KIAA1755: variants seen among roughly 807,000 people sequenced by gnomAD.
KIAA1755 encodes uncharacterized protein KIAA1755.
In KIAA1755, 68 loss-of-function variants were observed where a neutral mutation model predicts 91.7. The observed-to-expected ratio is 0.74, with a 90% CI of 0.61 to 0.91. The LOEUF (loss-of-function observed/expected upper bound fraction) is 0.91, where lower values mean the gene tolerates loss of function less well. Ranked by LOEUF, KIAA1755 falls within the 40% of genes least tolerant of loss-of-function variation. The probability of loss-of-function intolerance (pLI) is 0.00; values close to 1 mark genes in which losing one functional copy is unlikely to be tolerated. For missense variants in KIAA1755, 1,535 were observed against 1,494.4 expected (o/e 1.03, Z -0.45); for synonymous variants, 610 against 604.6 (o/e 1.01, Z -0.13).
At chr20:38,231,022 C>G (rs949438571) in intron 5 of KIAA1755, among the ~76,000 whole-genome samples, 180 bp downstream of exon 5, 4 of 152,192 alleles carry the variant, frequency 2.6e-5, no homozygotes, top group Middle Eastern at 3.2e-3. Flanking sequence ...GCCTGACAAC[C>G]CCCCGATGGC....
chr20:38,260,530 G>A lies in KIAA1755; in HGVS notation c.-30C>T, dbSNP rs761513743. On this transcript the variant is annotated 5_prime_UTR_variant, in exon 1 of 14. Coordinates refer to ENST00000279024, the MANE Select transcript of KIAA1755 (RefSeq NM_001029864.2). Reference sequence around the variant, plus strand: ...ACGGGCTGCCAGCGGCGGGCGGCGCGGCTCCTCTCCTGGGCGCGGGGTCTG... The same window carrying A: ...ACGGGCTGCCAGCGGCGGGCGGCGCAGCTCCTCTCCTGGGCGCGGGGTCTG... 2.0e-6 allele frequency: 3 copies of A among 1,482,376 alleles called. No homozygotes were observed. Among genetic ancestry groups the A allele is most frequent in the Non-Finnish European group, 2.7e-6 (3 of 1,119,524 alleles). 91.8% of individuals were successfully genotyped at this position (1,482,376 alleles called of 1,614,324 possible).
chr20:38,218,391 A>T (rs375205677), intron 11 of KIAA1755, 25 bp from the exon 12 acceptor site: 2 of 1,613,114 alleles, frequency 1.2e-6, no homozygotes, highest in Non-Finnish European at 1.7e-6. Flanking sequence ...GCAGATTTGG[A>T]CATGAGGGGC....
intron 1 of KIAA1755, among the ~76,000 whole-genome samples, chr20:38,257,073 CTT>C (rs1376963575): frequency 6.6e-6 from 1 of 152,142 alleles, no homozygotes; most frequent in African/African-American, 2.4e-5. Context: ...CTTCTCTTCT[CTT>C]TGCTTTTCAG....
rs1010601201 is a variant in KIAA1755, at chr20:38,258,487, A to G, written c.3+2011T>C. Among the ~76,000 whole-genome samples, 4 of 152,216 alleles carry G rather than the reference A, an allele frequency of 2.6e-5. No homozygotes were observed. The East Asian group carries it at 7.7e-4, about 29-fold the overall frequency. ...ATGGGGGTGCCCCCAAACACTAGAC[A>G]GCTGTTAATCAAATGCCCCACAAAA... On this transcript the variant is annotated intron_variant, in intron 1 of 13. Transcript: ENST00000279024.
chr20:38,246,250 C>CCACCCCCCTCACTCAT lies in KIAA1755; in HGVS notation c.4-140_4-125dup, dbSNP rs1398246507. On this transcript the variant is annotated intron_variant, in intron 1 of 13. Coordinates refer to ENST00000279024, the MANE Select transcript of KIAA1755 (RefSeq NM_001029864.2). ...TAATTCTCTGACCTCCTCTCCTACC[C>CCACCCCCCTCACTCAT]CACCCCCCTCACTCATCACTGCCAG... 7 of 752,280 alleles carry CCACCCCCCTCACTCAT rather than the reference C, an allele frequency of 9.3e-6. No homozygotes were observed. In the East Asian group the frequency reaches 1.9e-4, roughly 20 times the overall value. The allele number at this position is 752,280 out of a possible 1,614,324, so 46.6% of individuals were successfully genotyped here.
intron 4 of KIAA1755, 86 bp downstream of exon 4, chr20:38,239,442 T>C: frequency 8.0e-7 from 1 of 1,243,798 alleles, no homozygotes; most frequent in Non-Finnish European, 1.2e-6. Context: ...GGGCATTCCC[T>C]GCCTCCCCTC....
At chr20:38,257,115 AC>A (rs2123356832) in intron 1 of KIAA1755, among the ~76,000 whole-genome samples, 1 of 151,816 alleles carries the variant, frequency 6.6e-6, no homozygotes, top group East Asian at 1.9e-4. Context: ...AGAAGGATGG[AC>A]CCCCACCACC....
chr20:38,232,169 C>G (rs542686227), intron 4 of KIAA1755, among the ~76,000 whole-genome samples: 1 of 152,334 alleles, frequency 6.6e-6, no homozygotes, highest in East Asian at 1.9e-4. Flanking sequence ...TGACCACCAG[C>G]CACTCCACGT....
rs1057248890 is a variant in KIAA1755 at position 38,241,667 on chromosome 20, C to G, written c.464G>C (p.Ser155Thr). The stretch of plus-strand genomic sequence containing the variant: ...GTGTAGGGGATTTCCCTCAAAGTCA[C>G]TGTTGATGGCCTCCAGCCATTCTTG... Reference protein sequence around the residue: ...FTQEWLEAINSDFEGNPLHNC... With the variant: ...FTQEWLEAINTDFEGNPLHNC... Residue 155 changes from serine (S) to threonine (T), a missense_variant, in exon 3 of 14, where the codon AGT becomes ACT. Physicochemically the swap from Ser to Thr is moderately conservative, Grantham distance 58 (BLOSUM62 1). Transcript: ENST00000279024. 25 of 1,614,210 alleles carry G rather than the reference C, an allele frequency of 1.5e-5. No individual in the cohort carries two copies. The highest frequency in any genetic ancestry group is 2.1e-5 in the Non-Finnish European group (25 of 1,180,032).
At chr20:38,216,015 G>A (rs755643942) in intron 13 of KIAA1755, among the ~76,000 whole-genome samples, 1 of 152,256 alleles carries the variant, frequency 6.6e-6, no homozygotes, top group Middle Eastern at 3.4e-3. Context: ...TTCCTTAGGT[G>A]GAAATGGGCA....
At chr20:38,238,775 A>G (rs2123214462) in intron 4 of KIAA1755, among the ~76,000 whole-genome samples, 1 of 152,220 alleles carries the variant, frequency 6.6e-6, no homozygotes, top group East Asian at 1.9e-4. Flanking sequence ...TGTCTGTTAC[A>G]ACAATGGGGA....
At chr20:38,239,115 G>A (rs571444871) in intron 4 of KIAA1755, among the ~76,000 whole-genome samples, 2 of 152,308 alleles carry the variant, frequency 1.3e-5, no homozygotes, top group Admixed American at 1.3e-4. Context: ...TGTGGGGCGG[G>A]TCATGCCCCA....
At position 38,213,385 on chromosome 20, in the gene KIAA1755, T is replaced by G; in HGVS notation, c.3260A>C (p.Lys1087Thr). ...TAGTGGAGGCTGATCCCACCTCCCCTTGGAAGTGACCTCTACACTCACACC... is the reference window on the plus strand; with the variant it reads ...TAGTGGAGGCTGATCCCACCTCCCCGTGGAAGTGACCTCTACACTCACACC... ...GQGVSVEVTS[K>T]GRWDQPPLDS... is the part of the protein sequence containing the mutation. The change falls in exon 14 of 14, where the codon AAG (lysine) becomes ACG (threonine). Residue 1087 changes from lysine to threonine, a missense_variant. By Grantham distance (78) the Lys-to-Thr change is moderately conservative. Coordinates refer to ENST00000279024, the MANE Select transcript of KIAA1755 (RefSeq NM_001029864.2). The G allele has an allele frequency of 6.2e-7, 1 of 1,602,836 alleles. No homozygotes were observed. The highest frequency in any genetic ancestry group is 8.5e-7 in the Non-Finnish European group (1 of 1,174,270).
At chr20:38,233,488 G>C (rs544974003) in intron 4 of KIAA1755, 1 of 152,272 alleles carries the variant, frequency 6.6e-6, no homozygotes, top group African/African-American at 2.4e-5. Flanking sequence ...GTCAGGAAAT[G>C]CTACATCACA....
chr20:38,239,868 C>T, intron 3 of KIAA1755, 143 bp from the exon 4 acceptor site: 4 of 796,374 alleles, frequency 5.0e-6, no homozygotes, highest in East Asian at 5.3e-5. Context: ...CGCTAAGCCC[C>T]TTACTTCTAG....
chr20:38,231,395 C>T, intron 4 of KIAA1755, 70 bp from the exon 5 acceptor site: 1 of 1,480,198 alleles, frequency 6.8e-7, no homozygotes. Context: ...CTCCTGTGGC[C>T]TGCAGACCTT....
intron 1 of KIAA1755, 106 bp downstream of exon 1, chr20:38,260,392 T>C (rs1413620844): frequency 6.2e-7 from 1 of 1,602,416 alleles, no homozygotes; most frequent in African/African-American, 1.3e-5. Context: ...GAGGGTCGTC[T>C]CAGTGTAAAA....
At chr20:38,239,083 C>T (rs988592128) in intron 4 of KIAA1755, among the ~76,000 whole-genome samples, 6 of 152,242 alleles carry the variant, frequency 3.9e-5, no homozygotes, top group African/African-American at 9.6e-5. Flanking sequence ...CAGTCCCCTA[C>T]ACCTTCAGCT....
At chr20:38,226,819 G>C (rs2075764883) in intron 7 of KIAA1755, among the ~76,000 whole-genome samples, 1 of 152,174 alleles carries the variant, frequency 6.6e-6, no homozygotes, top group South Asian at 2.1e-4. Context: ...TTAGGCTTCA[G>C]TTTCCCCCTC....
Sources: allele counts gnomAD v4.1 joint callset (sites outside exome capture counted in the v4.1 genomes callset), GRCh38; gene constraint gnomAD v4.1.1; transcripts MANE v1.5; gene names NCBI Gene and HGNC (gene_info 2026-07-23, HGNC 2026-07-21).